Variants in TNS3 observed in about 807,000 individuals in gnomAD.
TNS3 encodes tensin-3.
In TNS3, 45 loss-of-function variants were observed where a neutral mutation model predicts 140.9. The ratio of observed to expected loss-of-function variants is 0.32; its 90% confidence interval spans 0.25 to 0.41. TNS3 has a LOEUF of 0.41. Among genes scored for constraint, TNS3 ranks in the 10% least tolerant of loss-of-function variants. The pLI, the probability that TNS3 is intolerant of heterozygous loss-of-function variation, is 1.00. For missense variants in TNS3, 1,716 were observed against 1,906.7 expected, an observed-to-expected ratio of 0.90 and a Z score of 1.86; for synonymous variants, 815 against 788.4, an observed-to-expected ratio of 1.03 and a Z score of -0.56.
intron 11 of TNS3, among the ~76,000 whole-genome samples, chr7:47,414,368 C>T (rs901001380): frequency 1.3e-5 from 2 of 152,222 alleles, no homozygotes; most frequent in Non-Finnish European, 2.9e-5. Flanking sequence ...CTGCATGCGA[C>T]TGGCGAGGAA....
intron 20 of TNS3, among the ~76,000 whole-genome samples, chr7:47,305,670 C>T (rs983556562): frequency 3.3e-5 from 5 of 152,258 alleles, no homozygotes; most frequent in African/African-American, 9.6e-5. Context: ...CGCAAACCTG[C>T]TTGTGTCCCA....
chr7:47,501,936 C>T (rs73695361), intron 3 of TNS3, among the ~76,000 whole-genome samples: 4,150 of 152,176 alleles, frequency 0.027, 218 homozygotes, highest in African/African-American at 0.096. Flanking sequence ...GCGGGAGAGA[C>T]GCTCAACTCG....
intron 13 of TNS3, among the ~76,000 whole-genome samples, chr7:47,406,993 A>G (rs1478805595): frequency 6.6e-6 from 1 of 152,168 alleles, no homozygotes; most frequent in African/African-American, 2.4e-5. Context: ...CCTGCCCTGC[A>G]CACCCTCAGA....
intron 16 of TNS3, among the ~76,000 whole-genome samples, chr7:47,381,878 T>A (rs1791783127): frequency 6.6e-6 from 1 of 152,224 alleles, no homozygotes; most frequent in East Asian, 1.9e-4. Flanking sequence ...AATGATGTGA[T>A]CACTGCAATA....
In TNS3 at chr7:47,344,823, C is replaced by T. The variant is rs958026760; in HGVS notation, c.2582G>A (p.Arg861His). Residue 861 changes from arginine to histidine, a missense_variant, in exon 20 of 31, where the codon CGC becomes CAC. Arg to His is a conservative substitution (Grantham distance 29). Transcript: ENST00000311160. The part of the protein sequence containing the change: ...PETPYVKTAL[R>H]HPPFSPPEPP... The stretch of plus-strand genomic sequence containing the variant: ...CTCAGGTGGGCTGAACGGAGGATGG[C>T]GCAGCGCTGTTTTCACTGGAAAAGA... 4 of 1,613,718 alleles carry T rather than the reference C, an allele frequency of 2.5e-6. No homozygotes were observed. The highest frequency in any genetic ancestry group is 1.7e-5 in the Admixed American group (1 of 60,028).
At chr7:47,530,525 A>G (rs540979410) in intron 1 of TNS3, among the ~76,000 whole-genome samples, 1 of 152,004 alleles carries the variant, frequency 6.6e-6, no homozygotes, top group Non-Finnish European at 1.5e-5. Flanking sequence ...AGATCCAAGA[A>G]ACTCAAGAAA....
At chr7:47,541,425 A>G (rs1362819658) in intron 1 of TNS3, among the ~76,000 whole-genome samples, 14 of 152,154 alleles carry the variant, frequency 9.2e-5, no homozygotes, top group Non-Finnish European at 1.8e-4. Context: ...GGAGGCTCCA[A>G]TACCAACAGT....
rs558636557 is a variant in TNS3 at position 47,404,884 on chromosome 7, A to AAAAAAT, written c.724-3976_724-3971dup. On this transcript the variant is annotated intron_variant, in intron 13 of 30. Transcript: ENST00000311160. ...GGGTGACAGAGAGACACTCAGTCTC[A>AAAAAAT]AAAAATAAAAATAAAAATAAAAATA... Among the ~76,000 whole-genome samples the AAAAAAT allele has an allele frequency of 1.7e-3, 259 of 152,098 alleles. 1 individual carries two copies. The highest frequency in any genetic ancestry group is 6.8e-3 in the Middle Eastern group (2 of 294).
intron 1 of TNS3, chr7:47,579,925 C>T (rs1256031706): frequency 1.3e-6 from 1 of 746,310 alleles, no homozygotes; most frequent in Non-Finnish European, 1.6e-6. Context: ...TTTGACACCC[C>T]CTCTCCTGCC....
intron 13 of TNS3, among the ~76,000 whole-genome samples, chr7:47,410,263 C>T (rs558845352): frequency 1.8e-4 from 28 of 152,316 alleles, no homozygotes; most frequent in African/African-American, 6.7e-4. Flanking sequence ...GACAGACTTC[C>T]AGCCCAGGTC....
intron 16 of TNS3, among the ~76,000 whole-genome samples, chr7:47,383,287 G>A (rs1791881427): frequency 6.6e-6 from 1 of 152,186 alleles, no homozygotes; most frequent in African/African-American, 2.4e-5. Flanking sequence ...TGAAAGAAGC[G>A]AATCACAGAA....
At chr7:47,393,130 CTA>C (rs1220782759) in intron 16 of TNS3, among the ~76,000 whole-genome samples, 3 of 152,220 alleles carry the variant, frequency 2.0e-5, no homozygotes, top group African/African-American at 4.8e-5. Context: ...GCTGATCCTA[CTA>C]TGAGAAATTA....
chr7:47,486,052 G>A (rs1247546267), intron 3 of TNS3, among the ~76,000 whole-genome samples: 1 of 151,730 alleles, frequency 6.6e-6, no homozygotes, highest in African/African-American at 2.4e-5. Flanking sequence ...GTGTGAGTGT[G>A]GGTGTGTGGG....
chr7:47,323,560 A>G (rs762371890), intron 20 of TNS3, among the ~76,000 whole-genome samples: 6 of 152,398 alleles, frequency 3.9e-5, no homozygotes, highest in Admixed American at 6.5e-5. Flanking sequence ...AAGGGTAAAT[A>G]TAACAGTCCA....
chr7:47,297,398 A>G (rs2150664067), intron 23 of TNS3, among the ~76,000 whole-genome samples, 185 bp from the exon 24 acceptor site: 1 of 152,076 alleles, frequency 6.6e-6, no homozygotes, highest in South Asian at 2.1e-4. Context: ...ACCTTCAGGG[A>G]GGTCTCTGTG....
chr7:47,374,402 C>A (rs1361985818), intron 16 of TNS3, among the ~76,000 whole-genome samples: 3 of 152,184 alleles, frequency 2.0e-5, no homozygotes, highest in African/African-American at 7.2e-5. Context: ...AGTGGCAGGG[C>A]TGGGTAAATA....
chr7:47,356,686 A>G (rs540358130), intron 17 of TNS3, among the ~76,000 whole-genome samples: 1 of 152,214 alleles, frequency 6.6e-6, no homozygotes, highest in Non-Finnish European at 1.5e-5. Context: ...CATTGGTTTG[A>G]CTGTAGTGAT....
At chr7:47,551,404 G>A (rs1457168301) in intron 1 of TNS3, among the ~76,000 whole-genome samples, 1 of 152,216 alleles carries the variant, frequency 6.6e-6, no homozygotes, top group African/African-American at 2.4e-5. Flanking sequence ...GACCACGGAG[G>A]AGGTGGGTGA....
intron 20 of TNS3, among the ~76,000 whole-genome samples, 188 bp downstream of exon 20, chr7:47,344,567 C>T (rs183442842): frequency 6.6e-6 from 1 of 152,370 alleles, no homozygotes; most frequent in Non-Finnish European, 1.5e-5. Flanking sequence ...GCCAGGTTGC[C>T]ACCACACAGT....
Sources: gnomAD v4.1 joint callset for allele counts (sites outside exome capture counted in the v4.1 genomes callset) on GRCh38, gnomAD v4.1.1 for gene constraint, MANE v1.5 for transcripts, NCBI Gene and HGNC (gene_info 2026-07-23, HGNC 2026-07-21) for gene names.